RPH3AL: variants seen among roughly 807,000 people sequenced by gnomAD.
RPH3AL encodes the protein rab effector Noc2.
In RPH3AL, 38 loss-of-function variants were observed where a neutral mutation model predicts 43.1. That is an observed-to-expected ratio of 0.88 (90% CI 0.68 to 1.15). The LOEUF (loss-of-function observed/expected upper bound fraction) is 1.15. RPH3AL is among the 50% of genes most tolerant of loss of function. The pLI is 0.00. For missense variants in RPH3AL, 462 were observed against 423.2 expected (o/e 1.09, Z -0.81); for synonymous variants, 189 against 176.3 (o/e 1.07, Z -0.57).
In RPH3AL at chr17:215,823, G is replaced by T. The variant is rs1416925785; in HGVS notation, c.728-21C>A. ...GCCACCTGTGGGAAATCACGTGTGG[G>T]CCCCGTGGATCTCAAACCGAGACGG... On this transcript the variant is annotated intron_variant, in intron 8 of 9. Transcript: ENST00000331302. This position sits in a 1 kb window ranked among gnomAD's most constrained non-coding sequence, Gnocchi z 4.1. 1.6e-5 allele frequency: 21 copies of T among 1,299,164 alleles called. No individual in the cohort carries two copies. Among genetic ancestry groups the T allele is most frequent in the Non-Finnish European group, 2.1e-5 (21 of 1,020,274 alleles). The allele number at this position is 1,299,164 out of a possible 1,614,324, so 80.5% of individuals were successfully genotyped here.
intron 6 of RPH3AL, among the ~76,000 whole-genome samples, chr17:278,309 C>T (rs550923370): frequency 8.5e-5 from 13 of 152,298 alleles, no homozygotes; most frequent in African/African-American, 3.1e-4. Flanking sequence ...GATTGTGAGG[C>T]CTCCCCAGCC....
At chr17:263,504 C>T (rs2042249092) in intron 6 of RPH3AL, among the ~76,000 whole-genome samples, 1 of 152,224 alleles carries the variant, frequency 6.6e-6, no homozygotes, top group Non-Finnish European at 1.5e-5. Context: ...ACTGCCGTTC[C>T]CCAACGTTAG....
chr17:315,501 GA>G (rs1555519177), intron 5 of RPH3AL, among the ~76,000 whole-genome samples: 49 of 119,628 alleles, frequency 4.1e-4, no homozygotes, highest in Admixed American at 1.1e-3. Context: ...TAGTCCCTGT[GA>G]CTCCACCTCC....
At chr17:326,841 A>C (rs1390796280) in intron 3 of RPH3AL, among the ~76,000 whole-genome samples, 1 of 152,152 alleles carries the variant, frequency 6.6e-6, no homozygotes, top group Non-Finnish European at 1.5e-5. Flanking sequence ...GTGCCATTGC[A>C]CTCCAGCCTG....
At chr17:259,891 A>G (rs1475733478) in intron 6 of RPH3AL, among the ~76,000 whole-genome samples, 1 of 152,234 alleles carries the variant, frequency 6.6e-6, no homozygotes, top group Non-Finnish European at 1.5e-5. Flanking sequence ...ACAATTGCTA[A>G]TCACTGGCAT....
chr17:271,621 AC>A (rs2042465006), intron 6 of RPH3AL, among the ~76,000 whole-genome samples: 1 of 152,188 alleles, frequency 6.6e-6, no homozygotes, highest in Non-Finnish European at 1.5e-5. Context: ...TTGATTTTGT[AC>A]CCTGAGACTT....
At chr17:269,457 C>T (rs1235396234) in intron 6 of RPH3AL, among the ~76,000 whole-genome samples, 1 of 152,202 alleles carries the variant, frequency 6.6e-6, no homozygotes, top group Non-Finnish European at 1.5e-5. Flanking sequence ...TTCCAAGGGC[C>T]TCGAACAGTG....
intron 7 of RPH3AL, among the ~76,000 whole-genome samples, chr17:222,516 ACT>A (rs1157024435): frequency 2.0e-5 from 3 of 152,194 alleles, no homozygotes; most frequent in Non-Finnish European, 4.4e-5. Context: ...TGTGGGAGAA[ACT>A]CTCTTTTCTG....
rs746359998 is a variant in RPH3AL, at chr17:345,499, A to G, written c.-213+7213T>C. On this transcript the variant is annotated intron_variant, in intron 1 of 9. Transcript: ENST00000331302. ...GAATCCCTGGGGTTTCTACGCCTGTATAGCCAGGCTTGGAGAAACAGAAAC... is the reference window on the plus strand; with the variant it reads ...GAATCCCTGGGGTTTCTACGCCTGTGTAGCCAGGCTTGGAGAAACAGAAAC... Among the ~76,000 whole-genome samples, 2 of 134,890 alleles carry G rather than the reference A, an allele frequency of 1.5e-5. 1 individual carries two copies. The highest frequency in any genetic ancestry group is 3.4e-5 in the Non-Finnish European group (2 of 59,090). The allele number at this position is 134,890 out of a possible 152,430, so 88.5% of individuals were successfully genotyped here. A position where few individuals can be genotyped will look rare whatever the true frequency, so the allele number is the denominator to read the frequency against.
chr17:327,590 G>T lies in RPH3AL; in HGVS notation c.-36-11C>A. On this transcript the variant is annotated splice_polypyrimidine_tract_variant and intron_variant, in intron 2 of 9. Transcript: ENST00000331302. ...GGTGGGGAGTCACATCTGAGATGAA[G>T]GAGGGAAGACGAAAGAGTGTGCATC... is the stretch of plus-strand genomic sequence containing the variant. 6.3e-7 allele frequency: 1 copy of T among 1,574,810 alleles called. No homozygotes were observed.
intron 1 of RPH3AL, among the ~76,000 whole-genome samples, chr17:344,291 C>T (rs1480044090): frequency 3.1e-5 from 4 of 130,786 alleles, no homozygotes; most frequent in Admixed American, 7.3e-5. Context: ...ACTGTCATCT[C>T]GGTTACCACC....
At chr17:250,298 G>A (rs1175711029) in intron 6 of RPH3AL, among the ~76,000 whole-genome samples, 17 of 101,046 alleles carry the variant, frequency 1.7e-4, no homozygotes, top group East Asian at 2.7e-4. Flanking sequence ...AAGCTCCGTT[G>A]CTGCGGGACC....
At chr17:271,446 T>C (rs994207239) in intron 6 of RPH3AL, among the ~76,000 whole-genome samples, 2 of 152,226 alleles carry the variant, frequency 1.3e-5, no homozygotes, top group African/African-American at 4.8e-5. Context: ...CCCTCTCTTA[T>C]TTTGTTGAGC....
intron 6 of RPH3AL, among the ~76,000 whole-genome samples, chr17:269,904 T>C (rs1180161691): frequency 6.6e-6 from 1 of 152,040 alleles, no homozygotes; most frequent in African/African-American, 2.4e-5. Flanking sequence ...GAAGATGGGA[T>C]GGCTCAGTCC....
At chr17:303,519 G>C (rs926299451) in intron 5 of RPH3AL, among the ~76,000 whole-genome samples, 4 of 131,310 alleles carry the variant, frequency 3.0e-5, no homozygotes, top group Non-Finnish European at 5.1e-5. Context: ...TTATTGAGCA[G>C]TGACCGTGTT....
chr17:222,293 G>A (rs890461017), intron 7 of RPH3AL, among the ~76,000 whole-genome samples: 7 of 152,256 alleles, frequency 4.6e-5, no homozygotes, highest in South Asian at 2.1e-4. Context: ...TAGAAGAGCC[G>A]GATTCTCATC....
intron 7 of RPH3AL, among the ~76,000 whole-genome samples, chr17:222,304 C>G (rs576694956): frequency 3.3e-5 from 5 of 152,386 alleles, no homozygotes; most frequent in African/African-American, 1.2e-4. Context: ...GATTCTCATC[C>G]TGGCAGGCTG....
chr17:325,140 C>T (rs893845418), intron 3 of RPH3AL, among the ~76,000 whole-genome samples: 13 of 152,184 alleles, frequency 8.5e-5, no homozygotes, highest in African/African-American at 2.9e-4. Context: ...GGATTACAGG[C>T]GTGAGCCACC....
chr17:230,005 G>A (rs548710491), intron 7 of RPH3AL, among the ~76,000 whole-genome samples: 1 of 152,250 alleles, frequency 6.6e-6, no homozygotes, highest in East Asian at 1.9e-4. Context: ...ACCCCTGACA[G>A]CCACAGGACT....
Sources: gnomAD v4.1 joint callset for allele counts (sites outside exome capture counted in the v4.1 genomes callset) on GRCh38, gnomAD v4.1.1 for gene constraint, Gnocchi (gnomAD v3.1) non-coding constraint, MANE v1.5 for transcripts, NCBI Gene and HGNC (gene_info 2026-07-23, HGNC 2026-07-21) for gene names.